ASB7: variants seen among roughly 807,000 people sequenced by gnomAD.
The protein encoded by ASB7 is ankyrin repeat and SOCS box protein 7.
Under a neutral mutation model 32.5 loss-of-function variants are expected in ASB7, and 4 were observed. The observed-to-expected ratio is 0.12, with a 90% CI of 0.06 to 0.28. ASB7 has a LOEUF of 0.28. ASB7 is among the 10% of genes least tolerant of loss of function. ASB7 has a pLI of 1.00. For synonymous variants in ASB7, 172 were observed against 155.6 expected (o/e 1.11, Z -0.78); for missense variants, 181 against 407.1 (o/e 0.44, Z 4.78).
chr15:100,630,244 A>G (rs994656254), intron 5 of ASB7: 8 of 1,256,448 alleles, frequency 6.4e-6, no homozygotes, highest in African/African-American at 3.1e-5. Flanking sequence ...TTGTGTTTCT[A>G]AATGTAATAG....
chr15:100,610,877 C>T (rs1223595273), intron 3 of ASB7, among the ~76,000 whole-genome samples: 2 of 152,172 alleles, frequency 1.3e-5, no homozygotes, highest in African/African-American at 4.8e-5. Flanking sequence ...TCTATTCCTT[C>T]CAGTTAGCAC....
intron 2 of ASB7, among the ~76,000 whole-genome samples, chr15:100,608,371 C>G (rs919452745): frequency 3.3e-5 from 5 of 152,204 alleles, no homozygotes; most frequent in Non-Finnish European, 5.9e-5. Context: ...ATTTGGAATT[C>G]TGAACAACAG....
At chr15:100,614,541 G>A (rs978926275) in intron 4 of ASB7, among the ~76,000 whole-genome samples, 1 of 152,076 alleles carries the variant, frequency 6.6e-6, no homozygotes, top group Non-Finnish European at 1.5e-5. Context: ...GCCACAGATA[G>A]TATGTAAACT....
chr15:100,608,719 T>C (rs2039669459), intron 2 of ASB7, among the ~76,000 whole-genome samples: 1 of 152,212 alleles, frequency 6.6e-6, no homozygotes, highest in Admixed American at 6.5e-5. Flanking sequence ...TAATAGAATT[T>C]TAAAACAAAT....
chr15:100,643,057 C>T (rs564690494), intron 5 of ASB7, among the ~76,000 whole-genome samples: 1 of 152,202 alleles, frequency 6.6e-6, no homozygotes, highest in East Asian at 1.9e-4. Context: ...AAAACAACAA[C>T]AACAAAAAAG....
intron 5 of ASB7, among the ~76,000 whole-genome samples, chr15:100,641,159 C>G (rs2039959039): frequency 6.6e-6 from 1 of 152,162 alleles, no homozygotes; most frequent in Non-Finnish European, 1.5e-5. Flanking sequence ...TTTCTTCTTT[C>G]ATTCTCTTTA....
At chr15:100,632,856 C>CAA (rs779025596) in intron 5 of ASB7, among the ~76,000 whole-genome samples, 694 of 64,152 alleles carry the variant, frequency 0.011, 5 homozygotes, top group African/African-American at 0.042. Flanking sequence ...CTATATAGTG[C>CAA]AAAAAAAAAA....
intron 4 of ASB7, among the ~76,000 whole-genome samples, chr15:100,620,367 C>G (rs1179152224): frequency 6.6e-6 from 1 of 152,102 alleles, no homozygotes; most frequent in African/African-American, 2.4e-5. Context: ...TGCTAGGGAA[C>G]ACGTGGATAT....
Position 100,629,846 on chromosome 15 carries a change from C to T in ASB7, c.621C>T (p.Asn207=). 1 of 1,614,214 alleles carries T rather than the reference C, an allele frequency of 6.2e-7. No homozygotes were observed. The highest frequency in any genetic ancestry group is 1.7e-5 in the Admixed American group (1 of 60,028). ...TCCTTCAGAGAGGGGCAGACACAAA[C>T]TTGGGTCGCTTAGAAGACGGACAGA... ...RMFLQRGADT[N]LGRLEDGQTP... is the part of the protein sequence containing the mutation. The change falls in exon 5 of 6, where the codon AAC becomes AAT. Residue 207 remains asparagine (N), a synonymous_variant. Transcript: ENST00000332783. The surrounding 1 kb of genome is among the most constrained non-coding windows in gnomAD (Gnocchi z 6.8).
At position 100,649,024 on chromosome 15, in the gene ASB7, TCTCTGCTTATGACATAAATCCAGTAC is replaced by T. The variant is rs1412871458; in HGVS notation, c.*571_*596del. Reference sequence around the variant, plus strand: ...GCTTTCGGATGACATAAATCCAGTATCTCTGCTTATGACATAAATCCAGTACCTCTGCTTTTCTTTTGCTGTGCTCT... The same window carrying T: ...GCTTTCGGATGACATAAATCCAGTATCTCTGCTTTTCTTTTGCTGTGCTCT... On this transcript the variant is annotated 3_prime_UTR_variant, in exon 6 of 6. Coordinates refer to ENST00000332783, the MANE Select transcript of ASB7 (RefSeq NM_198243.3). The T allele has an allele frequency of 6.6e-6, 1 of 152,644 alleles. No homozygotes were observed. The highest frequency in any genetic ancestry group is 2.4e-5 in the African/African-American group (1 of 41,456). 9.5% of individuals were successfully genotyped at this position (152,644 alleles called of 1,614,324 possible).
intron 5 of ASB7, among the ~76,000 whole-genome samples, chr15:100,642,516 C>T (rs1332095334): frequency 6.6e-6 from 1 of 152,258 alleles, no homozygotes; most frequent in Non-Finnish European, 1.5e-5. Context: ...CCCCAACCAA[C>T]AGGCTTCTTA....
At chr15:100,642,560 C>A (rs111792398) in intron 5 of ASB7, among the ~76,000 whole-genome samples, 112 of 151,828 alleles carry the variant, frequency 7.4e-4, no homozygotes, top group African/African-American at 2.4e-3. Flanking sequence ...CACTCACCTC[C>A]AAGCCCTCCC....
Position 100,647,808 on chromosome 15 carries a change from C to T in ASB7, c.818-515C>T, listed in dbSNP as rs549669533. Among the ~76,000 whole-genome samples the T allele has an allele frequency of 4.6e-5, 7 of 152,042 alleles. No individual in the cohort carries two copies. The East Asian group carries it at 1.4e-3, about 29-fold the overall frequency. On this transcript the variant is annotated intron_variant, in intron 5 of 5. Transcript: ENST00000332783. ...GCTCCACAGAGACCGTGGTGGGTGTCCGGGCTCCAGTGTCCTAGACCCAGA... is the reference window on the plus strand; with the variant it reads ...GCTCCACAGAGACCGTGGTGGGTGTTCGGGCTCCAGTGTCCTAGACCCAGA...
rs1298815490 is a variant in ASB7 at position 100,648,997 on chromosome 15, T to C, written c.*535T>C. 6.6e-6 allele frequency: 1 copy of C among 152,662 alleles called. No individual in the cohort carries two copies. The highest frequency in any genetic ancestry group is 2.4e-5 in the African/African-American group (1 of 41,460). The allele number at this position is 152,662 out of a possible 1,614,324, so 9.5% of individuals were successfully genotyped here. A position where few individuals can be genotyped will look rare whatever the true frequency, so the allele number is the denominator to read the frequency against. On this transcript the variant is annotated 3_prime_UTR_variant, in exon 6 of 6. Coordinates refer to ENST00000332783, the MANE Select transcript of ASB7 (RefSeq NM_198243.3). ...AAACTGTTCTTTTTCCTAATTAATG[T>C]AGCTTTCGGATGACATAAATCCAGT...
intron 2 of ASB7, among the ~76,000 whole-genome samples, chr15:100,605,260 G>T (rs1277214844): frequency 6.6e-6 from 1 of 152,040 alleles, no homozygotes; most frequent in Non-Finnish European, 1.5e-5. Flanking sequence ...TTTAATTTGG[G>T]TATTTATTTA....
At chr15:100,633,190 T>C (rs1378987930) in intron 5 of ASB7, among the ~76,000 whole-genome samples, 1 of 151,602 alleles carries the variant, frequency 6.6e-6, no homozygotes, top group Non-Finnish European at 1.5e-5. Context: ...AAGCCAGTTT[T>C]TGGTTTTTTA....
intron 4 of ASB7, among the ~76,000 whole-genome samples, chr15:100,621,958 A>G (rs1290363959): frequency 6.6e-6 from 1 of 152,056 alleles, no homozygotes; most frequent in African/African-American, 2.4e-5. Context: ...GCAGTCAAGC[A>G]AGAGAAAGGA....
intron 4 of ASB7, among the ~76,000 whole-genome samples, chr15:100,613,955 A>G (rs926076846): frequency 6.6e-6 from 1 of 152,108 alleles, no homozygotes; most frequent in Non-Finnish European, 1.5e-5. Context: ...GTATTTCCTG[A>G]CACTATTACA....
At chr15:100,622,582 C>G (rs1249005819) in intron 4 of ASB7, among the ~76,000 whole-genome samples, 1 of 152,190 alleles carries the variant, frequency 6.6e-6, no homozygotes, top group Non-Finnish European at 1.5e-5. Context: ...GTAACCAAAA[C>G]AGCATGGTAT....
Sources: gnomAD v4.1 joint callset for allele counts (sites outside exome capture counted in the v4.1 genomes callset) on GRCh38, gnomAD v4.1.1 for gene constraint, Gnocchi (gnomAD v3.1) non-coding constraint, MANE v1.5 for transcripts, NCBI Gene and HGNC (gene_info 2026-07-23, HGNC 2026-07-21) for gene names.